The following PRKG1 variants were observed in gnomAD, a reference collection of about 807,000 sequenced individuals.
The protein encoded by PRKG1 is protein kinase cGMP-dependent 1, also known as cGMP-dependent protein kinase 1.
In PRKG1, 35 loss-of-function variants were observed where a neutral mutation model predicts 88.1. That is an observed-to-expected ratio of 0.40 (90% confidence interval 0.30 to 0.53). PRKG1 has a LOEUF of 0.53. PRKG1 is among the 20% of genes least tolerant of loss of function. The probability of loss-of-function intolerance (pLI) is 0.59; values close to 1 mark genes in which losing one functional copy is unlikely to be tolerated. For synonymous variants in PRKG1, 303 were observed against 292.5 expected (o/e 1.04, Z -0.37); for missense variants, 540 against 839.8 (o/e 0.64, Z 4.41).
At chr10:52,033,246 T>C (rs112891136) in intron 5 of PRKG1, among the ~76,000 whole-genome samples, 5 of 152,304 alleles carry the variant, frequency 3.3e-5, no homozygotes, top group African/African-American at 1.2e-4. Flanking sequence ...ATGAGAAGAT[T>C]GCCTGGTGAC....
intron 1 of PRKG1, among the ~76,000 whole-genome samples, chr10:51,053,426 A>C (rs1843589704): frequency 6.6e-6 from 1 of 152,178 alleles, no homozygotes; most frequent in African/African-American, 2.4e-5. Flanking sequence ...ACTTGGAGGC[A>C]CATGGGATCT....
chr10:52,018,089 C>T (rs1845089532), intron 5 of PRKG1, among the ~76,000 whole-genome samples: 1 of 151,812 alleles, frequency 6.6e-6, no homozygotes, highest in Non-Finnish European at 1.5e-5. Context: ...TAGAGATCAA[C>T]TCAGGGGTGA....
chr10:52,166,817 ATG>A (rs1418615609), intron 9 of PRKG1, among the ~76,000 whole-genome samples: 384 of 3,282 alleles, frequency 0.12, 9 homozygotes, highest in South Asian at 0.39. Context: ...ATGTATATAT[ATG>A]TATATATATG....
intron 2 of PRKG1, among the ~76,000 whole-genome samples, chr10:51,347,124 GT>G (rs34285034): frequency 0.53 from 79,803 of 150,586 alleles, 21,176 homozygotes; most frequent in Non-Finnish European, 0.57. Context: ...AAAAAAACTG[GT>G]TTTTTTTTCT....
chr10:51,431,032 TAACTG>T (rs1207904739), intron 2 of PRKG1, among the ~76,000 whole-genome samples: 1 of 152,120 alleles, frequency 6.6e-6, no homozygotes, highest in African/African-American at 2.4e-5. Flanking sequence ...TTCTACAAAT[TAACTG>T]AACATAAATT....
chr10:52,297,092 C>T lies in PRKG1; in HGVS notation c.*3192C>T, dbSNP rs1842400285. ...GAGGTGATCTGTGCATTATCCATAA[C>T]AACGTTTTCTTTCACTATAGGACCA... On this transcript the variant is annotated 3_prime_UTR_variant, in exon 18 of 18. Transcript: ENST00000373980. 6.6e-6 allele frequency: 1 copy of T among 152,096 alleles called. No homozygotes were observed. Among genetic ancestry groups the T allele is most frequent in the African/African-American group, 2.4e-5 (1 of 41,426 alleles). 9.4% of individuals were successfully genotyped at this position (152,096 alleles called of 1,614,324 possible).
intron 2 of PRKG1, among the ~76,000 whole-genome samples, chr10:51,239,883 G>C (rs1839105364): frequency 1.3e-5 from 2 of 152,138 alleles, no homozygotes; most frequent in Admixed American, 1.3e-4. Context: ...CACCTTTATA[G>C]GGCCAATATG....
At chr10:51,832,847 G>A (rs919553386) in intron 4 of PRKG1, among the ~76,000 whole-genome samples, 5 of 152,110 alleles carry the variant, frequency 3.3e-5, no homozygotes, top group African/African-American at 4.8e-5. Flanking sequence ...TTGTCTTATC[G>A]CACAGATAAA....
chr10:52,168,104 C>T (rs1589667594), intron 9 of PRKG1, among the ~76,000 whole-genome samples: 3 of 152,152 alleles, frequency 2.0e-5, no homozygotes, highest in African/African-American at 4.8e-5. Context: ...TTTCTATGTG[C>T]CTACAAAATG....
At chr10:51,332,198 A>G (rs1370839290) in intron 2 of PRKG1, among the ~76,000 whole-genome samples, 1 of 152,204 alleles carries the variant, frequency 6.6e-6, no homozygotes, top group Admixed American at 6.5e-5. Context: ...AAATGCTTTG[A>G]AAATGTTTAT....
chr10:51,491,640 C>T (rs780762183), intron 3 of PRKG1, among the ~76,000 whole-genome samples: 14 of 152,014 alleles, frequency 9.2e-5, no homozygotes, highest in African/African-American at 3.1e-4. Flanking sequence ...TCCTGAAAGA[C>T]GGGTAGCATT....
chr10:52,161,821 T>A, intron 8 of PRKG1, 68 bp from the exon 9 acceptor site: 3 of 1,316,724 alleles, frequency 2.3e-6, no homozygotes, highest in Non-Finnish European at 3.3e-6. Flanking sequence ...TTTCACTATA[T>A]CACTGACTAG....
chr10:52,206,900 A>T (rs1413928119), intron 9 of PRKG1, among the ~76,000 whole-genome samples: 3 of 152,194 alleles, frequency 2.0e-5, no homozygotes, highest in African/African-American at 7.2e-5. Flanking sequence ...TTTGCATGCC[A>T]GCAGCCACAG....
chr10:51,410,274 G>A (rs867485558), intron 2 of PRKG1, among the ~76,000 whole-genome samples: 18 of 146,210 alleles, frequency 1.2e-4, no homozygotes, highest in Non-Finnish European at 2.0e-4. Context: ...ATATATATGT[G>A]TGTGTGTGTG....
rs1303967762 is a variant in PRKG1 at position 51,554,320 on chromosome 10, A to ATATATACACACATATAT, written c.592+86495_592+86511dup. 2.6e-3 allele frequency among the ~76,000 whole-genome samples: 336 copies of ATATATACACACATATAT among 130,264 alleles called. 2 individuals carry two copies. Among genetic ancestry groups the ATATATACACACATATAT allele is most frequent in the African/African-American group, 8.3e-3 (326 of 39,446 alleles). 85.5% of individuals were successfully genotyped at this position (130,264 alleles called of 152,430 possible). On this transcript the variant is annotated intron_variant, in intron 3 of 17. Transcript: ENST00000373980. ...TGTATATATAATATGTACATATATAATATATACACACATATATTATATACA... is the reference window on the plus strand; with the variant it reads ...TGTATATATAATATGTACATATATAATATATACACACATATATTATATACACACATATATTATATACA...
At chr10:51,472,942 A>G (rs941820771) in intron 3 of PRKG1, among the ~76,000 whole-genome samples, 1 of 151,984 alleles carries the variant, frequency 6.6e-6, no homozygotes, top group South Asian at 2.1e-4. Context: ...GGGAGAAGAC[A>G]CAAATTAAGT....
At chr10:51,487,335 AT>A (rs895778163) in intron 3 of PRKG1, among the ~76,000 whole-genome samples, 1 of 152,136 alleles carries the variant, frequency 6.6e-6, no homozygotes, top group Admixed American at 6.6e-5. Context: ...TTGAGTTAGT[AT>A]TTTTTTGAGT....
chr10:51,455,523 CA>C (rs1564504255), intron 2 of PRKG1, among the ~76,000 whole-genome samples: 2 of 152,220 alleles, frequency 1.3e-5, no homozygotes, highest in Non-Finnish European at 2.9e-5. Flanking sequence ...GCACCTAAGT[CA>C]CTTCTTGAAT....
intron 5 of PRKG1, among the ~76,000 whole-genome samples, chr10:51,919,394 A>T (rs974569898): frequency 2.0e-5 from 3 of 152,064 alleles, no homozygotes; most frequent in Non-Finnish European, 4.4e-5. Context: ...TTATTATGAG[A>T]TTCTGTAAGT....
Sources: gnomAD v4.1 joint callset for allele counts (sites outside exome capture counted in the v4.1 genomes callset) on GRCh38, gnomAD v4.1.1 for gene constraint, MANE v1.5 for transcripts, NCBI Gene and HGNC (gene_info 2026-07-23, HGNC 2026-07-21) for gene names.